Variants in CAMTA1 observed in about 807,000 individuals in gnomAD.
CAMTA1 encodes calmodulin-binding transcription activator 1.
In CAMTA1, 27 loss-of-function variants were observed where a neutral mutation model predicts 170.9. The ratio of observed to expected loss-of-function variants is 0.16; its 90% CI spans 0.12 to 0.22. The LOEUF (loss-of-function observed/expected upper bound fraction) is 0.22, where lower values mean the gene tolerates loss of function less well. Ranked by LOEUF, CAMTA1 falls within the 10% of genes least tolerant of loss-of-function variation. The probability of loss-of-function intolerance (pLI) is 1.00; values close to 1 mark genes in which losing one functional copy is unlikely to be tolerated. For synonymous variants in CAMTA1, 833 were observed against 891.5 expected (o/e 0.93, Z 1.17); for missense variants, 1,619 against 2,217.2 (o/e 0.73, Z 5.42).
intron 3 of CAMTA1, among the ~76,000 whole-genome samples, chr1:7,038,806 G>A (rs1704011481): frequency 6.6e-6 from 1 of 152,210 alleles, no homozygotes. Context: ...TTGGGAGGCC[G>A]AGGTGGGCAG....
intron 3 of CAMTA1, among the ~76,000 whole-genome samples, chr1:6,832,795 T>G (rs1445444835): frequency 6.6e-6 from 1 of 152,196 alleles, no homozygotes; most frequent in African/African-American, 2.4e-5. Flanking sequence ...AAAATGAAAA[T>G]GCATATAAAC....
chr1:6,933,781 A>G (rs1048778921), intron 3 of CAMTA1, among the ~76,000 whole-genome samples: 1 of 151,524 alleles, frequency 6.6e-6, no homozygotes, highest in African/African-American at 2.4e-5. Flanking sequence ...ATTTATCCAT[A>G]TATATGAAGG....
intron 16 of CAMTA1, among the ~76,000 whole-genome samples, chr1:7,743,158 A>G (rs1036691039): frequency 1.7e-4 from 26 of 151,476 alleles, no homozygotes; most frequent in African/African-American, 5.9e-4. Flanking sequence ...CTGGCCCAAT[A>G]TATTTTTCTT....
chr1:7,372,778 G>T (rs1030929369), intron 5 of CAMTA1, among the ~76,000 whole-genome samples: 1 of 152,222 alleles, frequency 6.6e-6, no homozygotes, highest in African/African-American at 2.4e-5. Flanking sequence ...GATGAGACAC[G>T]TGGCTTCCGG....
At chr1:7,045,326 G>C (rs1394280097) in intron 3 of CAMTA1, among the ~76,000 whole-genome samples, 3 of 152,160 alleles carry the variant, frequency 2.0e-5, no homozygotes, top group African/African-American at 7.2e-5. Context: ...CATTGCTGTT[G>C]CTAGCCACAC....
intron 3 of CAMTA1, among the ~76,000 whole-genome samples, chr1:7,046,505 A>G (rs1185640491): frequency 6.6e-6 from 1 of 152,236 alleles, no homozygotes; most frequent in Non-Finnish European, 1.5e-5. Flanking sequence ...GGGCTGCAGC[A>G]GCCTGGGGCT....
intron 4 of CAMTA1, among the ~76,000 whole-genome samples, chr1:7,174,626 G>C (rs2148846008): frequency 6.6e-6 from 1 of 152,360 alleles, no homozygotes; most frequent in East Asian, 1.9e-4. Context: ...GGCGCCACGA[G>C]AGCCGCATTT....
In CAMTA1 at chr1:7,010,178, G is replaced by A. The variant is rs891376106; in HGVS notation, c.235-81126G>A. On this transcript the variant is annotated intron_variant, in intron 3 of 22. Transcript: ENST00000303635. The surrounding 1 kb of genome is among the most constrained non-coding windows in gnomAD (Gnocchi z 4.4). ...CCTGCAGGACACTGCTGCGAGGAGGGCTTCCTGGAGCTTGGGGAAGCTTCA... is the reference window on the plus strand; with the variant it reads ...CCTGCAGGACACTGCTGCGAGGAGGACTTCCTGGAGCTTGGGGAAGCTTCA... Among the ~76,000 whole-genome samples the A allele has an allele frequency of 2.6e-5, 4 of 152,232 alleles. No individual in the cohort carries two copies. The highest frequency in any genetic ancestry group is 9.6e-5 in the African/African-American group (4 of 41,472).
At chr1:6,997,597 G>C (rs1053618006) in intron 3 of CAMTA1, among the ~76,000 whole-genome samples, 1 of 150,868 alleles carries the variant, frequency 6.6e-6, no homozygotes, top group Non-Finnish European at 1.5e-5. Context: ...GTCCTCCTGG[G>C]TCTCCTGTGA....
At chr1:7,526,837 C>T (rs1447550090) in intron 6 of CAMTA1, among the ~76,000 whole-genome samples, 1 of 152,162 alleles carries the variant, frequency 6.6e-6, no homozygotes, top group Non-Finnish European at 1.5e-5. Context: ...GCTGGGTGAC[C>T]ACCCCTCCAG....
At chr1:6,830,975 C>T (rs1465028357) in intron 3 of CAMTA1, among the ~76,000 whole-genome samples, 3 of 151,930 alleles carry the variant, frequency 2.0e-5, no homozygotes, top group Admixed American at 1.3e-4. Context: ...CCCGTCACCA[C>T]GCCCAGCCAA....
intron 3 of CAMTA1, among the ~76,000 whole-genome samples, chr1:6,928,226 A>G (rs1009293334): frequency 6.6e-6 from 1 of 152,230 alleles, no homozygotes; most frequent in African/African-American, 2.4e-5. Flanking sequence ...GCTGATGCTA[A>G]CAGAAATCAG....
At chr1:7,766,041 A>AAAC (rs1553290002) in intron 22 of CAMTA1, among the ~76,000 whole-genome samples, 2,720 of 147,464 alleles carry the variant, frequency 0.018, 89 homozygotes, top group African/African-American at 0.065. Flanking sequence ...AAAAAAAAAA[A>AAAC]AAAACTAAAT....
chr1:7,236,596 C>A (rs1418379880), intron 4 of CAMTA1, among the ~76,000 whole-genome samples: 2 of 152,270 alleles, frequency 1.3e-5, no homozygotes, highest in East Asian at 3.9e-4. Flanking sequence ...TTCTCTGTGC[C>A]CTAAGCCTTC....
At chr1:7,048,682 C>T (rs572065508) in intron 3 of CAMTA1, among the ~76,000 whole-genome samples, 39 of 152,338 alleles carry the variant, frequency 2.6e-4, no homozygotes, top group Non-Finnish European at 4.3e-4. Flanking sequence ...TCTTGCCTTC[C>T]TTTCATTCTC....
At chr1:7,433,891 C>A (rs533566137) in intron 5 of CAMTA1, among the ~76,000 whole-genome samples, 71 of 152,190 alleles carry the variant, frequency 4.7e-4, no homozygotes, top group African/African-American at 1.7e-3. Context: ...CAGCAGTAGC[C>A]CCAGCCTCAG....
intron 4 of CAMTA1, among the ~76,000 whole-genome samples, chr1:7,130,801 T>G (rs1645204326): frequency 6.6e-6 from 1 of 152,262 alleles, no homozygotes; most frequent in Non-Finnish European, 1.5e-5. Context: ...ATCTCTCTTC[T>G]GCAATGAAGT....
intron 11 of CAMTA1, among the ~76,000 whole-genome samples, chr1:7,695,829 A>T (rs1471164680): frequency 6.6e-6 from 1 of 152,162 alleles, no homozygotes; most frequent in Admixed American, 6.5e-5. Flanking sequence ...GTATCTGCAA[A>T]TGCTCCCTGA....
At chr1:7,376,955 G>A (rs551810131) in intron 5 of CAMTA1, among the ~76,000 whole-genome samples, 3 of 152,228 alleles carry the variant, frequency 2.0e-5, no homozygotes, top group East Asian at 3.9e-4. Flanking sequence ...TCACAGATTC[G>A]GATCTGTCTG....
Sources: allele counts gnomAD v4.1 joint callset (sites outside exome capture counted in the v4.1 genomes callset), GRCh38; gene constraint gnomAD v4.1.1; non-coding constraint Gnocchi (gnomAD v3.1); transcripts MANE v1.5; gene names NCBI Gene and HGNC (gene_info 2026-07-23, HGNC 2026-07-21).